The following USP13 variants were observed in gnomAD, a reference collection of about 807,000 sequenced individuals.
USP13 encodes ubiquitin carboxyl-terminal hydrolase 13.
A neutral mutation model predicts 107.8 loss-of-function variants in USP13; 68 were observed. The ratio of observed to expected loss-of-function variants is 0.63; its 90% CI spans 0.52 to 0.77. The LOEUF (loss-of-function observed/expected upper bound fraction) is 0.77. Among genes scored for constraint, USP13 ranks in the 30% least tolerant of loss-of-function variants. USP13 has a pLI of 0.00. For missense variants in USP13, 945 were observed against 1,093.3 expected (o/e 0.86, Z 1.91); for synonymous variants, 377 against 389.5 (o/e 0.97, Z 0.38).
At position 179,710,345 on chromosome 3, in the gene USP13, A is replaced by G. The variant is rs553745800; in HGVS notation, c.805+1388A>G. On this transcript the variant is annotated intron_variant, in intron 6 of 20. Coordinates refer to ENST00000263966, the MANE Select transcript of USP13 (RefSeq NM_003940.3). Reference sequence around the variant, plus strand: ...TTAGGGGATTGTAGAAAGATTTGCAATGTAGGAATTCTGTCGGATAAAGTT... The same window carrying G: ...TTAGGGGATTGTAGAAAGATTTGCAGTGTAGGAATTCTGTCGGATAAAGTT... 2.5e-3 allele frequency among the ~76,000 whole-genome samples: 383 copies of G among 152,248 alleles called. 4 individuals are homozygous for G. Among genetic ancestry groups the G allele is most frequent in the African/African-American group, 8.9e-3 (370 of 41,556 alleles).
rs146480641 is a variant in USP13 at position 179,769,700 on chromosome 3, C to T, written c.2413+3852C>T. Among the ~76,000 whole-genome samples the T allele has an allele frequency of 3.3e-3, 500 of 152,242 alleles. 4 individuals are homozygous for T. Among genetic ancestry groups the T allele is most frequent in the African/African-American group, 0.011 (473 of 41,536 alleles). ...TTAGGATTACAGGTGTGAGCCACTG[C>T]GCCTGGCCAAATAATGAGTTTCTTA... On this transcript the variant is annotated intron_variant, in intron 19 of 20. Transcript: ENST00000263966.
At chr3:179,740,432 G>T in intron 11 of USP13, 60 bp downstream of exon 11, 1 of 1,607,306 alleles carries the variant, frequency 6.2e-7, no homozygotes, top group South Asian at 1.1e-5. Context: ...GAGCCACTCA[G>T]TGCAGTCTGC....
chr3:179,713,507 G>A (rs181886729), intron 6 of USP13, among the ~76,000 whole-genome samples: 144 of 151,964 alleles, frequency 9.5e-4, no homozygotes, highest in Middle Eastern at 6.8e-3. Context: ...AGGCCCAGGG[G>A]TAGGGTGCCC....
At chr3:179,719,896 A>T in intron 6 of USP13, 44 bp from the exon 7 acceptor site, 1 of 1,533,604 alleles carries the variant, frequency 6.5e-7, no homozygotes, top group Non-Finnish European at 9.0e-7. Context: ...ATATTCAGTG[A>T]CTTGATTACT....
At chr3:179,695,461 C>G (rs1236710159) in intron 3 of USP13, among the ~76,000 whole-genome samples, 3 of 151,946 alleles carry the variant, frequency 2.0e-5, no homozygotes, top group Non-Finnish European at 2.9e-5. Flanking sequence ...TCTCAGTGGT[C>G]AAATCACTTT....
rs1279746778 is a variant in USP13, at chr3:179,786,966, G to A, written c.*2825G>A. The A allele has an allele frequency of 6.6e-6, 1 of 152,078 alleles. No homozygotes were observed. Among genetic ancestry groups the A allele is most frequent in the East Asian group, 1.9e-4 (1 of 5,190 alleles). 9.4% of individuals were successfully genotyped at this position (152,078 alleles called of 1,614,324 possible). A position where few individuals can be genotyped will look rare whatever the true frequency, so the allele number is the denominator to read the frequency against. ...TATCAAAGTTTTTATTTTGCCAATT[G>A]ATCTAAATGCCCATATAACTAATCA... On this transcript the variant is annotated 3_prime_UTR_variant, in exon 21 of 21. Coordinates refer to ENST00000263966, the MANE Select transcript of USP13 (RefSeq NM_003940.3).
Sources: allele counts gnomAD v4.1 joint callset (sites outside exome capture counted in the v4.1 genomes callset), GRCh38; gene constraint gnomAD v4.1.1; transcripts MANE v1.5; gene names NCBI Gene and HGNC (gene_info 2026-07-23, HGNC 2026-07-21).